Variants in GNA12 observed in about 807,000 individuals in gnomAD.
GNA12 encodes guanine nucleotide-binding protein subunit alpha-12.
Under a neutral mutation model 26.0 loss-of-function variants are expected in GNA12, and 9 were observed. That is an observed-to-expected ratio of 0.35 (90% CI 0.21 to 0.60). The LOEUF (loss-of-function observed/expected upper bound fraction) is 0.60. Ranked by LOEUF, GNA12 falls within the 20% of genes least tolerant of loss-of-function variation. The pLI is 0.78. For synonymous variants in GNA12, 264 were observed against 219.6 expected, an observed-to-expected ratio of 1.20 and a Z score of -1.79; for missense variants, 405 against 525.8, an observed-to-expected ratio of 0.77 and a Z score of 2.25.
At chr7:2,762,443 A>G in intron 2 of GNA12, 1 of 515,702 alleles carries the variant, frequency 1.9e-6, no homozygotes, top group Non-Finnish European at 3.4e-6. Flanking sequence ...CAAAAACGCT[A>G]CTTAACTCCA....
At chr7:2,769,317 C>T (rs1207804008) in intron 2 of GNA12, among the ~76,000 whole-genome samples, 1 of 152,224 alleles carries the variant, frequency 6.6e-6, no homozygotes, top group East Asian at 1.9e-4. Flanking sequence ...CTACTACCAT[C>T]AACATTGCAG....
chr7:2,731,179 G>C lies in GNA12; in HGVS notation c.*2C>G, dbSNP rs759880397. The C allele has an allele frequency of 1.3e-6, 2 of 1,598,958 alleles. No individual in the cohort carries two copies. The highest frequency in any genetic ancestry group is 1.7e-6 in the Non-Finnish European group (2 of 1,169,808). On this transcript the variant is annotated 3_prime_UTR_variant, in exon 4 of 4. Coordinates refer to ENST00000275364, the MANE Select transcript of GNA12 (RefSeq NM_007353.3). The surrounding 1 kb of genome is among the most constrained non-coding windows in gnomAD (Gnocchi z 6.0). ...CGACGACAAACCCCGGGGCTTCCTC[G>C]CTCACTGCAGCATGATGTCCTTCAG...
At chr7:2,839,556 G>A (rs1409767680) in intron 1 of GNA12, among the ~76,000 whole-genome samples, 2 of 151,994 alleles carry the variant, frequency 1.3e-5, no homozygotes, top group Admixed American at 6.6e-5. Context: ...GCCAATTTTT[G>A]TATTTTTTGT....
At chr7:2,739,181 T>G (rs1250780040) in intron 2 of GNA12, among the ~76,000 whole-genome samples, 2 of 152,256 alleles carry the variant, frequency 1.3e-5, no homozygotes, top group Non-Finnish European at 2.9e-5. Context: ...AGGTAAGATC[T>G]ACATAATAGA....
intron 1 of GNA12, among the ~76,000 whole-genome samples, chr7:2,823,610 A>C (rs1793417108): frequency 2.0e-5 from 3 of 152,246 alleles, no homozygotes; most frequent in Non-Finnish European, 4.4e-5. Flanking sequence ...AGCACTTAGG[A>C]AGTGTCTGTT....
At position 2,755,760 on chromosome 7, in the gene GNA12, A is replaced by C. The variant is rs555180164; in HGVS notation, c.526-22259T>G. Among the ~76,000 whole-genome samples, 86 of 152,340 alleles carry C rather than the reference A, an allele frequency of 5.6e-4. 1 individual carries two copies. The highest frequency in any genetic ancestry group is 1.9e-3 in the African/African-American group (79 of 41,574). ...GCCTTACTGCATTGGCTAAAACAGGAAATTTTTTTTAAATGTGAAAAATTT... is the reference window on the plus strand; with the variant it reads ...GCCTTACTGCATTGGCTAAAACAGGCAATTTTTTTTAAATGTGAAAAATTT... On this transcript the variant is annotated intron_variant, in intron 2 of 3. Coordinates refer to ENST00000275364, the MANE Select transcript of GNA12 (RefSeq NM_007353.3).
At chr7:2,758,464 A>G (rs974394133) in intron 2 of GNA12, among the ~76,000 whole-genome samples, 2 of 152,190 alleles carry the variant, frequency 1.3e-5, no homozygotes, top group African/African-American at 2.4e-5. Flanking sequence ...ACGAGCCTCA[A>G]TGACACACGC....
At chr7:2,755,888 T>C (rs1053001999) in intron 2 of GNA12, among the ~76,000 whole-genome samples, 1 of 152,246 alleles carries the variant, frequency 6.6e-6, no homozygotes, top group African/African-American at 2.4e-5. Context: ...TTGTTGTTTA[T>C]GCTCCCCAAA....
intron 2 of GNA12, among the ~76,000 whole-genome samples, chr7:2,770,561 G>C (rs535684854): frequency 1.3e-5 from 2 of 152,190 alleles, no homozygotes; most frequent in African/African-American, 4.8e-5. Context: ...GTTTGAGGAT[G>C]CAGTGAGCTA....
chr7:2,762,068 G>A (rs1218547380), intron 2 of GNA12: 1 of 152,488 alleles, frequency 6.6e-6, no homozygotes, highest in Non-Finnish European at 1.5e-5. Flanking sequence ...CTTCATTACT[G>A]TCCCTACCTC....
intron 2 of GNA12, among the ~76,000 whole-genome samples, chr7:2,753,806 TC>T (rs1791152145): frequency 6.6e-6 from 1 of 152,176 alleles, no homozygotes; most frequent in Non-Finnish European, 1.5e-5. Flanking sequence ...AGTTTTTGTT[TC>T]TTCAGTTTCT....
intron 2 of GNA12, among the ~76,000 whole-genome samples, chr7:2,769,893 T>C (rs1791905486): frequency 6.6e-6 from 1 of 152,218 alleles, no homozygotes; most frequent in African/African-American, 2.4e-5. Flanking sequence ...TTTTCTGAAT[T>C]TGATGGGTGA....
At chr7:2,804,909 A>ATTTT (rs1169189797) in intron 1 of GNA12, among the ~76,000 whole-genome samples, 4 of 151,550 alleles carry the variant, frequency 2.6e-5, no homozygotes, top group African/African-American at 9.7e-5. Flanking sequence ...AATAAATTAA[A>ATTTT]AAAAAAAAGA....
At chr7:2,771,701 T>C (rs959576848) in intron 2 of GNA12, among the ~76,000 whole-genome samples, 2 of 152,188 alleles carry the variant, frequency 1.3e-5, no homozygotes, top group Non-Finnish European at 2.9e-5. Context: ...CATCTGCTTG[T>C]TGATGGCCAC....
chr7:2,818,077 A>G (rs185495303), intron 1 of GNA12, among the ~76,000 whole-genome samples: 2 of 152,240 alleles, frequency 1.3e-5, no homozygotes, highest in African/African-American at 2.4e-5. Flanking sequence ...AATTAATTCA[A>G]TGAACACGGA....
intron 2 of GNA12, among the ~76,000 whole-genome samples, chr7:2,780,026 C>A (rs1197306956): frequency 7.7e-6 from 1 of 130,632 alleles, no homozygotes; most frequent in African/African-American, 2.9e-5. Flanking sequence ...ACACCACGTA[C>A]TAGTTTTTTA....
intron 1 of GNA12, among the ~76,000 whole-genome samples, chr7:2,812,726 C>G (rs1793115769): frequency 6.6e-6 from 1 of 151,932 alleles, no homozygotes; most frequent in Middle Eastern, 3.4e-3. Context: ...CAGTCACAGC[C>G]ACCTTCTACG....
At chr7:2,806,872 C>G (rs1792963524) in intron 1 of GNA12, among the ~76,000 whole-genome samples, 1 of 152,166 alleles carries the variant, frequency 6.6e-6, no homozygotes, top group Admixed American at 6.5e-5. Context: ...CCTATTTTCA[C>G]ATATATGGCT....
intron 1 of GNA12, among the ~76,000 whole-genome samples, chr7:2,837,393 G>C (rs1262599072): frequency 6.6e-6 from 1 of 152,200 alleles, no homozygotes; most frequent in African/African-American, 2.4e-5. Context: ...GTCCCAGAAG[G>C]AGATGAGAGA....
Sources: gnomAD v4.1 joint callset for allele counts (sites outside exome capture counted in the v4.1 genomes callset) on GRCh38, gnomAD v4.1.1 for gene constraint, Gnocchi (gnomAD v3.1) non-coding constraint, MANE v1.5 for transcripts, NCBI Gene and HGNC (gene_info 2026-07-23, HGNC 2026-07-21) for gene names.